Variants in PLPPR1 observed in about 807,000 individuals in gnomAD.
The protein encoded by PLPPR1 is phospholipid phosphatase-related protein type 1.
PLPPR1 carries 10 observed loss-of-function variants against 33.1 expected under a neutral mutation model. The ratio of observed to expected loss-of-function variants is 0.30; its 90% CI spans 0.19 to 0.51. The LOEUF is 0.51. Ranked by LOEUF, PLPPR1 falls within the 20% of genes least tolerant of loss-of-function variation. PLPPR1 has a pLI of 0.97. For synonymous variants in PLPPR1, 151 were observed against 151.0 expected, an observed-to-expected ratio of 1.00 and a Z score of 0.00; for missense variants, 304 against 408.1, an observed-to-expected ratio of 0.74 and a Z score of 2.20.
intron 1 of PLPPR1, among the ~76,000 whole-genome samples, chr9:101,084,640 G>A (rs1184989357): frequency 1.3e-5 from 2 of 152,200 alleles, no homozygotes; most frequent in Non-Finnish European, 1.5e-5. Context: ...TGCTTTGCAA[G>A]GCTTCTTTGG....
Position 101,312,966 on chromosome 9 carries a change from C to T in PLPPR1, c.805C>T (p.Leu269=). The change falls in exon 6 of 8, where the codon CTG becomes TTG. Residue 269 remains leucine (L), a synonymous_variant. Coordinates refer to ENST00000374874, the MANE Select transcript of PLPPR1 (RefSeq NM_207299.2). ...TTTCATCCTGGGCACTGCAGTGGCC[C>T]TGTTTCTGGTAGGTTGACTTCCCTC... ...AGFILGTAVA[L]FLGMCVVHNF... 6.2e-7 allele frequency: 1 copy of T among 1,613,976 alleles called. No homozygotes were observed. The highest frequency in any genetic ancestry group is 8.5e-7 in the Non-Finnish European group (1 of 1,179,860).
chr9:101,101,789 T>C (rs1830904123), intron 1 of PLPPR1, among the ~76,000 whole-genome samples: 1 of 152,266 alleles, frequency 6.6e-6, no homozygotes, highest in South Asian at 2.1e-4. Flanking sequence ...TCAAGAACTG[T>C]GGTATTTCTT....
At chr9:101,295,307 C>G (rs1215989880) in intron 4 of PLPPR1, among the ~76,000 whole-genome samples, 2 of 151,836 alleles carry the variant, frequency 1.3e-5, no homozygotes, top group Non-Finnish European at 2.9e-5. Flanking sequence ...AAAGAGGATA[C>G]AAACAAATGG....
intron 2 of PLPPR1, among the ~76,000 whole-genome samples, chr9:101,268,167 A>G (rs1438980911): frequency 6.6e-6 from 1 of 152,032 alleles, no homozygotes; most frequent in Non-Finnish European, 1.5e-5. Flanking sequence ...TGAATTAATG[A>G]GTGCAGCACA....
chr9:101,120,701 T>C (rs1831168559), intron 1 of PLPPR1, among the ~76,000 whole-genome samples: 1 of 151,994 alleles, frequency 6.6e-6, no homozygotes, highest in Non-Finnish European at 1.5e-5. Context: ...TGTGGGGTCA[T>C]CACCAAAGAA....
At chr9:101,290,804 G>A (rs1444432324) in intron 4 of PLPPR1, among the ~76,000 whole-genome samples, 1 of 152,210 alleles carries the variant, frequency 6.6e-6, no homozygotes, top group African/African-American at 2.4e-5. Context: ...TGATCCGGGA[G>A]CCAAGATGGC....
intron 1 of PLPPR1, among the ~76,000 whole-genome samples, chr9:101,033,427 C>A (rs1490109938): frequency 6.6e-6 from 1 of 151,932 alleles, no homozygotes; most frequent in African/African-American, 2.4e-5. Context: ...AGTAGAGATC[C>A]CAGCATCTAG....
chr9:101,250,655 T>C (rs1295078448), intron 2 of PLPPR1, among the ~76,000 whole-genome samples: 18 of 152,018 alleles, frequency 1.2e-4, no homozygotes. Flanking sequence ...TTACCATCAA[T>C]CAATACCACT....
intron 2 of PLPPR1, among the ~76,000 whole-genome samples, chr9:101,249,918 G>C (rs145888201): frequency 1.3e-5 from 2 of 152,154 alleles, no homozygotes; most frequent in East Asian, 3.9e-4. Flanking sequence ...ATGTTTTCTG[G>C]AGATGATTGC....
intron 1 of PLPPR1, among the ~76,000 whole-genome samples, chr9:101,178,637 C>T (rs1224413971): frequency 6.6e-6 from 1 of 152,140 alleles, no homozygotes; most frequent in Non-Finnish European, 1.5e-5. Flanking sequence ...CCCTATCATC[C>T]TGAAGCAGCT....
intron 1 of PLPPR1, among the ~76,000 whole-genome samples, chr9:101,095,128 T>C (rs1373546796): frequency 1.3e-5 from 2 of 152,228 alleles, no homozygotes; most frequent in African/African-American, 4.8e-5. Flanking sequence ...GAATGGTCCA[T>C]TAGTACCATG....
chr9:101,051,275 T>TCTA (rs965185408), intron 1 of PLPPR1, among the ~76,000 whole-genome samples: 14 of 143,388 alleles, frequency 9.8e-5, no homozygotes, highest in Admixed American at 4.8e-4. Flanking sequence ...TACTACTACT[T>TCTA]CTACTACTAC....
At chr9:101,240,275 A>ACCATG (rs2118845016) in intron 2 of PLPPR1, among the ~76,000 whole-genome samples, 1 of 152,194 alleles carries the variant, frequency 6.6e-6, no homozygotes, top group South Asian at 2.1e-4. Context: ...TTATACCAAT[A>ACCATG]CCATGCTGTT....
chr9:101,240,825 G>C (rs1827449508), intron 2 of PLPPR1, among the ~76,000 whole-genome samples: 1 of 152,078 alleles, frequency 6.6e-6, no homozygotes, highest in African/African-American at 2.4e-5. Flanking sequence ...ATTCCATTGA[G>C]TGCCCTGCCA....
intron 2 of PLPPR1, among the ~76,000 whole-genome samples, chr9:101,195,825 C>CT (rs1826383637): frequency 6.6e-6 from 1 of 152,166 alleles, no homozygotes; most frequent in African/African-American, 2.4e-5. Flanking sequence ...CATTACAGTA[C>CT]TTTAAACCAA....
At chr9:101,286,323 A>G in intron 4 of PLPPR1, 87 bp downstream of exon 4, 1 of 1,287,934 alleles carries the variant, frequency 7.8e-7, no homozygotes, top group South Asian at 1.7e-5. Context: ...CTATGGAAGT[A>G]TCAACATTAA....
intron 2 of PLPPR1, among the ~76,000 whole-genome samples, chr9:101,250,271 T>C (rs1381188347): frequency 6.6e-6 from 1 of 152,016 alleles, no homozygotes; most frequent in East Asian, 1.9e-4. Context: ...CTGGGTCTTC[T>C]CTCACCCTGT....
intron 4 of PLPPR1, among the ~76,000 whole-genome samples, chr9:101,293,500 A>AT (rs968382072): frequency 4.6e-5 from 7 of 152,008 alleles, no homozygotes; most frequent in East Asian, 1.9e-4. Flanking sequence ...CAGAATATAC[A>AT]TTTTTTTCAG....
chr9:101,167,141 G>GGGGTGT (rs1297322438), intron 1 of PLPPR1, among the ~76,000 whole-genome samples: 2 of 39,744 alleles, frequency 5.0e-5, no homozygotes, highest in African/African-American at 1.6e-4. Context: ...TATGTCTCTC[G>GGGGTGT]GTGTGTGTGT....
Sources: allele counts gnomAD v4.1 joint callset (sites outside exome capture counted in the v4.1 genomes callset), GRCh38; gene constraint gnomAD v4.1.1; transcripts MANE v1.5; gene names NCBI Gene and HGNC (gene_info 2026-07-23, HGNC 2026-07-21).